Variants in B3GALT1 observed in about 807,000 individuals in gnomAD.
The protein encoded by B3GALT1 is beta-1,3-galactosyltransferase 1.
A neutral mutation model predicts 23.2 loss-of-function variants in B3GALT1; 10 were observed. That is an observed-to-expected ratio of 0.43 (90% CI 0.27 to 0.73). The LOEUF is 0.73. Among genes scored for constraint, B3GALT1 ranks in the 30% least tolerant of loss-of-function variants. B3GALT1 has a pLI of 0.21. For missense variants in B3GALT1, 299 were observed against 405.4 expected, an observed-to-expected ratio of 0.74 and a Z score of 2.25; for synonymous variants, 156 against 141.5, an observed-to-expected ratio of 1.10 and a Z score of -0.73.
At chr2:167,644,991 C>T (rs1463927807) in intron 2 of B3GALT1, among the ~76,000 whole-genome samples, 1 of 152,090 alleles carries the variant, frequency 6.6e-6, no homozygotes, top group Non-Finnish European at 1.5e-5. Flanking sequence ...TCTGAAACTT[C>T]ACTTTCAGAA....
intron 1 of B3GALT1, among the ~76,000 whole-genome samples, chr2:167,344,801 A>C (rs1222313113): frequency 1.3e-5 from 2 of 152,172 alleles, no homozygotes; most frequent in Non-Finnish European, 2.9e-5. Flanking sequence ...GAATGTTGGA[A>C]AATAATTCAA....
At chr2:167,735,938 G>A (rs1184816600) in intron 3 of B3GALT1, among the ~76,000 whole-genome samples, 2 of 152,156 alleles carry the variant, frequency 1.3e-5, no homozygotes, top group Non-Finnish European at 2.9e-5. Flanking sequence ...GGAGGAGGAA[G>A]AATGTTTATC....
chr2:167,568,559 T>G (rs1244199736), intron 2 of B3GALT1, among the ~76,000 whole-genome samples: 3 of 152,106 alleles, frequency 2.0e-5, no homozygotes, highest in African/African-American at 7.2e-5. Flanking sequence ...TTAAGGACTT[T>G]GACCCATTTT....
At position 167,657,128 on chromosome 2, in the gene B3GALT1, G is replaced by A. The variant is rs1685968399; in HGVS notation, c.-352+10162G>A. 3.3e-5 allele frequency among the ~76,000 whole-genome samples: 5 copies of A among 152,170 alleles called. No homozygotes were observed. In the South Asian group the frequency reaches 8.3e-4, roughly 25 times the overall value. On this transcript the variant is annotated intron_variant, in intron 3 of 4. Coordinates refer to ENST00000392690, the MANE Select transcript of B3GALT1 (RefSeq NM_020981.4). ...AATGGAAGTGTGCTTACTGGGGAGT[G>A]CAGAAAGATGTATCCAGTTTGAGAG...
intron 1 of B3GALT1, among the ~76,000 whole-genome samples, chr2:167,465,221 T>C (rs1393703185): frequency 6.6e-6 from 1 of 152,246 alleles, no homozygotes; most frequent in Non-Finnish European, 1.5e-5. Context: ...TATCTTATTT[T>C]ATTTTTTAGT....
At chr2:167,836,086 A>T (rs1252087976) in intron 4 of B3GALT1, among the ~76,000 whole-genome samples, 1 of 152,176 alleles carries the variant, frequency 6.6e-6, no homozygotes, top group Non-Finnish European at 1.5e-5. Context: ...TGGGGAAAAA[A>T]CAGAGCAGAA....
intron 2 of B3GALT1, among the ~76,000 whole-genome samples, chr2:167,556,565 TG>T (rs1402216829): frequency 2.0e-5 from 3 of 152,198 alleles, no homozygotes; most frequent in Non-Finnish European, 4.4e-5. Context: ...ATTTCAATAA[TG>T]AAGTTTTATT....
At chr2:167,585,597 A>C (rs1487802418) in intron 2 of B3GALT1, among the ~76,000 whole-genome samples, 1 of 152,232 alleles carries the variant, frequency 6.6e-6, no homozygotes, top group Admixed American at 6.5e-5. Flanking sequence ...GTATATTTGA[A>C]CATTCGCTTT....
At chr2:167,541,331 A>G (rs1683531023) in intron 2 of B3GALT1, among the ~76,000 whole-genome samples, 1 of 152,086 alleles carries the variant, frequency 6.6e-6, no homozygotes, top group South Asian at 2.1e-4. Flanking sequence ...CTAAATACTA[A>G]TTTATTTTAC....
intron 2 of B3GALT1, among the ~76,000 whole-genome samples, chr2:167,592,856 A>G (rs770489587): frequency 2.6e-4 from 40 of 152,320 alleles, no homozygotes; most frequent in Admixed American, 1.6e-3. Context: ...TAACTTATGT[A>G]TAGAGTACTG....
intron 3 of B3GALT1, among the ~76,000 whole-genome samples, chr2:167,763,163 A>G (rs1234634888): frequency 6.6e-6 from 1 of 152,210 alleles, no homozygotes; most frequent in African/African-American, 2.4e-5. Context: ...TTTATGAAGT[A>G]CCCAGAATGT....
chr2:167,405,477 T>A (rs1257913318), intron 1 of B3GALT1, among the ~76,000 whole-genome samples: 1 of 152,136 alleles, frequency 6.6e-6, no homozygotes, highest in Non-Finnish European at 1.5e-5. Context: ...TGAACTCAGT[T>A]TCCTGGAGTG....
chr2:167,341,675 A>G (rs1277785816), intron 1 of B3GALT1, among the ~76,000 whole-genome samples: 1 of 152,142 alleles, frequency 6.6e-6, no homozygotes, highest in Non-Finnish European at 1.5e-5. Context: ...AACAAAAAAA[A>G]AGATTACTGC....
At chr2:167,361,047 T>C (rs1442334554) in intron 1 of B3GALT1, among the ~76,000 whole-genome samples, 1 of 152,240 alleles carries the variant, frequency 6.6e-6, no homozygotes, top group Non-Finnish European at 1.5e-5. Flanking sequence ...TTTCATTCTT[T>C]TATGGTGGCT....
At position 167,788,833 on chromosome 2, in the gene B3GALT1, G is replaced by T. The variant is rs112377791; in HGVS notation, c.-351-29839G>T. Reference sequence around the variant, plus strand: ...TGAACCTAAGATAATGACCAAGGGAGAGGAAGGGAGAACCAATAGAACAGT... The same window carrying T: ...TGAACCTAAGATAATGACCAAGGGATAGGAAGGGAGAACCAATAGAACAGT... On this transcript the variant is annotated intron_variant, in intron 3 of 4. Transcript: ENST00000392690. Among the ~76,000 whole-genome samples, 270 of 152,296 alleles carry T rather than the reference G, an allele frequency of 1.8e-3. 2 individuals are homozygous for T. The highest frequency in any genetic ancestry group is 6.3e-3 in the African/African-American group (260 of 41,568).
intron 3 of B3GALT1, among the ~76,000 whole-genome samples, chr2:167,717,575 A>G (rs1438860413): frequency 6.6e-6 from 1 of 152,004 alleles, no homozygotes; most frequent in African/African-American, 2.4e-5. Context: ...TTTGGTTGCA[A>G]CATAATATTC....
At chr2:167,755,815 A>G (rs1356683216) in intron 3 of B3GALT1, among the ~76,000 whole-genome samples, 2 of 151,774 alleles carry the variant, frequency 1.3e-5, no homozygotes, top group African/African-American at 4.8e-5. Context: ...AAAAATAACA[A>G]CACAAATAAA....
At chr2:167,623,402 T>TAC in intron 2 of B3GALT1, among the ~76,000 whole-genome samples, 1 of 152,070 alleles carries the variant, frequency 6.6e-6, no homozygotes, top group Non-Finnish European at 1.5e-5. Context: ...GGCACATATA[T>TAC]ACCATGGAAT....
Position 167,489,781 on chromosome 2 carries a change from C to G in B3GALT1, c.-510-396C>G, listed in dbSNP as rs376027772. 1.4e-4 allele frequency among the ~76,000 whole-genome samples: 21 copies of G among 152,242 alleles called. No homozygotes were observed. In the East Asian group the frequency reaches 2.9e-3, roughly 21 times the overall value. ...AAGACAGTATTAAGGAAGCCACAGA[C>G]AAGACTGTTTAGAACTAACAATATT... On this transcript the variant is annotated intron_variant, in intron 1 of 4. Transcript: ENST00000392690.
Sources: gnomAD v4.1 joint callset for allele counts (sites outside exome capture counted in the v4.1 genomes callset) on GRCh38, gnomAD v4.1.1 for gene constraint, MANE v1.5 for transcripts, NCBI Gene and HGNC (gene_info 2026-07-23, HGNC 2026-07-21) for gene names.